The following TTC27 variants were observed in gnomAD, a reference collection of about 807,000 sequenced individuals.
TTC27 encodes the protein tetratricopeptide repeat protein 27.
Under a neutral mutation model 115.9 loss-of-function variants are expected in TTC27, and 79 were observed. The ratio of observed to expected loss-of-function variants is 0.68; its 90% CI spans 0.57 to 0.82. The LOEUF is 0.82. Ranked by LOEUF, TTC27 falls within the 40% of genes least tolerant of loss-of-function variation. The pLI, the probability that TTC27 is intolerant of heterozygous loss-of-function variation, is 0.00. For missense variants in TTC27, 1,054 were observed against 993.1 expected (o/e 1.06, Z -0.82); for synonymous variants, 401 against 356.0 (o/e 1.13, Z -1.42).
intron 13 of TTC27, among the ~76,000 whole-genome samples, chr2:32,774,015 A>T (rs1217080878): frequency 6.6e-6 from 1 of 152,176 alleles, no homozygotes; most frequent in South Asian, 2.1e-4. Flanking sequence ...AATTTCACAA[A>T]TTTGTGTTGA....
intron 5 of TTC27, among the ~76,000 whole-genome samples, chr2:32,655,064 A>T (rs532042558): frequency 6.7e-6 from 1 of 148,166 alleles, no homozygotes; most frequent in East Asian, 2.0e-4. Flanking sequence ...CCTCGGCTCA[A>T]CTCAACCTCT....
chr2:32,711,574 T>A (rs1477745476), intron 10 of TTC27, among the ~76,000 whole-genome samples: 1 of 152,194 alleles, frequency 6.6e-6, no homozygotes, highest in Non-Finnish European at 1.5e-5. Context: ...TGTGTTTTTT[T>A]AATTGTTTTA....
At chr2:32,765,727 C>G (rs1669605092) in intron 13 of TTC27, among the ~76,000 whole-genome samples, 1 of 152,222 alleles carries the variant, frequency 6.6e-6, no homozygotes. Flanking sequence ...GTCAGATCTT[C>G]TGGATAACTT....
chr2:32,749,910 GA>G lies in TTC27; in HGVS notation c.1453-8372del, dbSNP rs538648268. 3.7e-3 allele frequency among the ~76,000 whole-genome samples: 545 copies of G among 148,268 alleles called. 1 individual carries two copies. Among genetic ancestry groups the G allele is most frequent in the Non-Finnish European group, 4.8e-3 (318 of 66,776 alleles). ...ACATAAGTTCAAAAGGTAGAAATGG[GA>G]AAAAAAAAAGATTTTATCACTTAGG... On this transcript the variant is annotated intron_variant, in intron 12 of 19. Coordinates refer to ENST00000317907, the MANE Select transcript of TTC27 (RefSeq NM_017735.5).
chr2:32,647,561 G>T (rs1225248908), intron 4 of TTC27, among the ~76,000 whole-genome samples: 1 of 152,162 alleles, frequency 6.6e-6, no homozygotes, highest in Non-Finnish European at 1.5e-5. Flanking sequence ...TTCATTTGTG[G>T]TTGCATCACG....
chr2:32,744,793 G>A (rs544892659), intron 12 of TTC27, among the ~76,000 whole-genome samples: 149 of 152,268 alleles, frequency 9.8e-4, no homozygotes, highest in African/African-American at 3.4e-3. Flanking sequence ...GCTCCCGCCT[G>A]TAATCCCAGC....
rs1366695498 is a variant in TTC27, at chr2:32,702,902, G to A, written c.1215G>A (p.Arg405=). The change falls in exon 10 of 20, where the codon CGG becomes CGA. Residue 405 remains arginine (R), a synonymous_variant. Coordinates refer to ENST00000317907, the MANE Select transcript of TTC27 (RefSeq NM_017735.5). ...AAGGAAGTACTCGCCGAGTGGAACGGGCAATGAGGCAGACACAGGTAAGAA... is the reference window on the plus strand; with the variant it reads ...AAGGAAGTACTCGCCGAGTGGAACGAGCAATGAGGCAGACACAGGTAAGAA... The part of the protein sequence containing the change: ...LEKGSTRRVE[R]AMRQTQALAD... 5 of 1,613,724 alleles carry A rather than the reference G, an allele frequency of 3.1e-6. No homozygotes were observed. In the African/African-American group the frequency reaches 6.7e-5, roughly 22 times the overall value.
At chr2:32,763,387 CT>C (rs1457448393) in intron 13 of TTC27, among the ~76,000 whole-genome samples, 1 of 152,120 alleles carries the variant, frequency 6.6e-6, no homozygotes, top group Non-Finnish European at 1.5e-5. Flanking sequence ...ATTCTATCCT[CT>C]TTTTTAGACA....
chr2:32,784,139 T>G (rs1448727165), intron 15 of TTC27, among the ~76,000 whole-genome samples: 1 of 151,872 alleles, frequency 6.6e-6, no homozygotes, highest in Non-Finnish European at 1.5e-5. Flanking sequence ...TCTCAGTGAG[T>G]TTTTCTGGCA....
At chr2:32,676,493 GTT>G (rs5830238) in intron 8 of TTC27, among the ~76,000 whole-genome samples, 1 of 133,904 alleles carries the variant, frequency 7.5e-6, no homozygotes. Context: ...TTTTCATTCT[GTT>G]TTTTTTTTTT....
chr2:32,662,453 A>G (rs35792170), intron 5 of TTC27, among the ~76,000 whole-genome samples: 9,282 of 152,126 alleles, frequency 0.061, 384 homozygotes, highest in East Asian at 0.19. Context: ...AGAACTTGCT[A>G]TTGGTCTATT....
At chr2:32,632,813 AC>A (rs541498099) in intron 2 of TTC27, among the ~76,000 whole-genome samples, 167 of 152,244 alleles carry the variant, frequency 1.1e-3, no homozygotes, top group African/African-American at 3.8e-3. Flanking sequence ...TTGGATCTGT[AC>A]CTATTTAGAT....
In TTC27 at chr2:32,650,566, T is replaced by G. The variant is rs533699245; in HGVS notation, c.640+333T>G. Among the ~76,000 whole-genome samples the G allele has an allele frequency of 8.5e-5, 13 of 152,116 alleles. No homozygotes were observed. The South Asian group carries it at 2.7e-3, about 32-fold the overall frequency. ...TTCTCTGTTCTTTAAGAAGCCTCAT[T>G]GGAAACAGATGTACTCTCCTTAGTT... On this transcript the variant is annotated intron_variant, in intron 5 of 19. Transcript: ENST00000317907.
chr2:32,682,825 C>T (rs1315388202), intron 9 of TTC27, among the ~76,000 whole-genome samples: 1 of 130,086 alleles, frequency 7.7e-6, no homozygotes, highest in Non-Finnish European at 1.6e-5. Flanking sequence ...TGGGCCACCA[C>T]ACCCGGATAA....
intron 9 of TTC27, among the ~76,000 whole-genome samples, chr2:32,690,938 T>A (rs576851090): frequency 2.0e-5 from 3 of 152,354 alleles, no homozygotes; most frequent in Non-Finnish European, 4.4e-5. Flanking sequence ...ATCGTTCGAT[T>A]TGGCTTTAGT....
At chr2:32,669,459 A>T (rs1204010366) in intron 7 of TTC27, among the ~76,000 whole-genome samples, 2 of 152,252 alleles carry the variant, frequency 1.3e-5, no homozygotes. Flanking sequence ...TTGGTTATAT[A>T]TCATATTACC....
At chr2:32,641,781 C>T (rs1664659067) in intron 4 of TTC27, among the ~76,000 whole-genome samples, 1 of 152,168 alleles carries the variant, frequency 6.6e-6, no homozygotes, top group South Asian at 2.1e-4. Context: ...TGGGTTCAAG[C>T]AATTCTTCTG....
chr2:32,644,986 GC>G (rs1372139851), intron 4 of TTC27, among the ~76,000 whole-genome samples: 4 of 150,530 alleles, frequency 2.7e-5, no homozygotes, highest in African/African-American at 7.3e-5. Flanking sequence ...AGGACTATAG[GC>G]ACCTGGCTTA....
At chr2:32,639,153 G>A (rs1048080957) in intron 3 of TTC27, among the ~76,000 whole-genome samples, 8 of 152,132 alleles carry the variant, frequency 5.3e-5, no homozygotes, top group African/African-American at 7.2e-5. Context: ...TTTCATAATT[G>A]ATGAAACTGA....
Sources: allele counts gnomAD v4.1 joint callset (sites outside exome capture counted in the v4.1 genomes callset), GRCh38; gene constraint gnomAD v4.1.1; transcripts MANE v1.5; gene names NCBI Gene and HGNC (gene_info 2026-07-23, HGNC 2026-07-21).